Variants in F13B observed in about 807,000 individuals in gnomAD.
The protein encoded by F13B is coagulation factor XIII B chain.
F13B carries 58 observed loss-of-function variants against 79.8 expected under a neutral mutation model. The ratio of observed to expected loss-of-function variants is 0.73; its 90% confidence interval spans 0.59 to 0.90. F13B has a LOEUF of 0.90. F13B is among the 40% of genes least tolerant of loss of function. The pLI is 0.00. For synonymous variants in F13B, 283 were observed against 260.3 expected (o/e 1.09, Z -0.84); for missense variants, 773 against 777.0 (o/e 0.99, Z 0.06).
Position 197,052,699 on chromosome 1 carries a change from G to C in F13B, c.1490C>G (p.Pro497Arg), listed in dbSNP as rs1296287484. ...KQGYDLSPLT[P>R]LSELSVQCNR... ...GCACTGCACAGATAATTCAGACAAT[G>C]GGGTTAATGGAGATAAGTCATATCC... Residue 497 changes from proline to arginine, a missense_variant, in exon 9 of 12, where the codon CCA (proline) becomes CGA (arginine). Pro to Arg is a moderately radical substitution (Grantham distance 103). Coordinates refer to ENST00000367412, the MANE Select transcript of F13B (RefSeq NM_001994.3). 3 of 1,612,090 alleles carry C rather than the reference G, an allele frequency of 1.9e-6. No homozygotes were observed. Among genetic ancestry groups the C allele is most frequent in the Non-Finnish European group, 2.5e-6 (3 of 1,178,876 alleles).
chr1:197,062,365 T>C (rs1458251541), intron 2 of F13B, among the ~76,000 whole-genome samples: 2 of 152,166 alleles, frequency 1.3e-5, no homozygotes, highest in African/African-American at 2.4e-5. Flanking sequence ...GATTACCTTC[T>C]CACAACTTTG....
At position 197,055,775 on chromosome 1, in the gene F13B, T is replaced by C; in HGVS notation, c.1294A>G (p.Arg432Gly). 6.2e-7 allele frequency: 1 copy of C among 1,613,654 alleles called. No individual in the cohort carries two copies. Among genetic ancestry groups the C allele is most frequent in the Non-Finnish European group, 8.5e-7 (1 of 1,179,756 alleles). ...TCGCAACGAGATATTTTTGATCCCC[T>C]CAGTAAGTAATATTCATTGCATCTA... ...EYRCNEYYLL[R>G]GSKISRCEQG... Residue 432 changes from arginine (R) to glycine (G), a missense_variant, in exon 8 of 12, where the codon AGG becomes GGG. Arg to Gly is a moderately radical substitution (Grantham distance 125). Coordinates refer to ENST00000367412, the MANE Select transcript of F13B (RefSeq NM_001994.3).
intron 8 of F13B, among the ~76,000 whole-genome samples, chr1:197,054,252 C>T (rs1292571930): frequency 6.6e-6 from 1 of 152,072 alleles, no homozygotes; most frequent in East Asian, 1.9e-4. Flanking sequence ...TGTTTCATTA[C>T]CAGCTTTGCC....
At chr1:197,058,051 C>T (rs1655713815) in intron 5 of F13B, among the ~76,000 whole-genome samples, 1 of 152,180 alleles carries the variant, frequency 6.6e-6, no homozygotes, top group Non-Finnish European at 1.5e-5. Flanking sequence ...GACCCCCAAC[C>T]TACACCCAAT....
chr1:197,061,899 C>A lies in F13B; in HGVS notation c.336G>T (p.Glu112Asp). 1 of 1,612,976 alleles carries A rather than the reference C, an allele frequency of 6.2e-7. No individual in the cohort carries two copies. The highest frequency in any genetic ancestry group is 1.3e-5 in the African/African-American group (1 of 74,988). The change falls in exon 3 of 12, where the codon GAG (glutamate) becomes GAT (aspartate). Residue 112 changes from glutamate to aspartate, a missense_variant. Physicochemically the swap from Glu to Asp is conservative, Grantham distance 45 (BLOSUM62 2). Transcript: ENST00000367412. ...SDVKLLYKIQ[E>D]NMRYGCASGY... ...CTGAAGCGCAACCATAACGCATGTT[C>A]TCTTGAATTTTATACAATAACTTTA... is the stretch of plus-strand genomic sequence containing the variant.
At position 197,039,056 on chromosome 1, in the gene F13B, T is replaced by A. The variant is rs1019985035; in HGVS notation, c.*322A>T. 5 of 215,848 alleles carry A rather than the reference T, an allele frequency of 2.3e-5. No individual in the cohort carries two copies. The highest frequency in any genetic ancestry group is 2.8e-5 in the Non-Finnish European group (3 of 108,232). The allele number at this position is 215,848 out of a possible 1,614,324, so 13.4% of individuals were successfully genotyped here. ...GATGATGACGAATGTGAATGTGAAA[T>A]TTTTGCACATACAGTATATTGAAAA... On this transcript the variant is annotated 3_prime_UTR_variant, in exon 12 of 12. Transcript: ENST00000367412.
intron 2 of F13B, among the ~76,000 whole-genome samples, 200 bp downstream of exon 2, chr1:197,062,657 C>G (rs1050559538): frequency 1.3e-5 from 2 of 152,068 alleles, no homozygotes; most frequent in African/African-American, 4.8e-5. Flanking sequence ...AAAACAGATA[C>G]AGAAAATAAC....
chr1:197,041,198 A>T (rs1655024993), intron 10 of F13B, among the ~76,000 whole-genome samples: 1 of 152,138 alleles, frequency 6.6e-6, no homozygotes, highest in African/African-American at 2.4e-5. Flanking sequence ...GATTCTCAAC[A>T]CTGACCCAAG....
chr1:197,049,004 C>G (rs567936250), intron 10 of F13B, among the ~76,000 whole-genome samples: 6 of 151,752 alleles, frequency 4.0e-5, no homozygotes, highest in Non-Finnish European at 8.8e-5. Flanking sequence ...TAAAAAGAAA[C>G]TTCTAAATGA....
At chr1:197,057,514 T>A in intron 5 of F13B, 49 bp from the exon 6 acceptor site, 2 of 1,536,782 alleles carry the variant, frequency 1.3e-6, no homozygotes, top group South Asian at 1.2e-5. Context: ...TTACAAAAAA[T>A]AATAAAGATT....
intron 8 of F13B, 22 bp from the exon 9 acceptor site, chr1:197,052,856 T>C (rs1254019685): frequency 6.4e-7 from 1 of 1,571,208 alleles, no homozygotes; most frequent in Non-Finnish European, 8.7e-7. Flanking sequence ...AATGCTCTTT[T>C]AAATTCTTTA....
rs756207307 is a variant in F13B at position 197,060,939 on chromosome 1, T to G, written c.588A>C (p.Glu196Asp). Reference sequence around the variant, plus strand: ...TGAGAGACCATCCGTATGTGAGACATTCTACCTCCTCTGTCTTCTTTCCTC... The same window carrying G: ...TGAGAGACCATCCGTATGTGAGACAGTCTACCTCCTCTGTCTTCTTTCCTC... The part of the protein sequence containing the change: ...TAGGKKTEEV[E>D]CLTYGWSLTP... Residue 196 changes from glutamate (E) to aspartate (D), a missense_variant, in exon 4 of 12, where the codon GAA becomes GAC. Coordinates refer to ENST00000367412, the MANE Select transcript of F13B (RefSeq NM_001994.3). 1.2e-6 allele frequency: 2 copies of G among 1,613,208 alleles called. No individual in the cohort carries two copies. Among genetic ancestry groups the G allele is most frequent in the South Asian group, 1.1e-5 (1 of 91,068 alleles).
chr1:197,046,645 G>T (rs1479991009), intron 10 of F13B, among the ~76,000 whole-genome samples: 1 of 152,134 alleles, frequency 6.6e-6, no homozygotes, highest in Admixed American at 6.6e-5. Flanking sequence ...TTTCTTCACA[G>T]AATTGGACAA....
chr1:197,055,679 T>C (rs1052250886), intron 8 of F13B, 36 bp downstream of exon 8: 25 of 1,598,752 alleles, frequency 1.6e-5, no homozygotes, highest in Non-Finnish European at 2.1e-5. Flanking sequence ...CACATAAAAG[T>C]ACAAACGTAG....
intron 9 of F13B, 111 bp from the exon 10 acceptor site, chr1:197,050,990 G>A: frequency 1.1e-6 from 1 of 917,356 alleles, no homozygotes; most frequent in South Asian, 1.4e-5. Flanking sequence ...GGAGTATGGT[G>A]GCATGATCAT....
rs1654999404 is a variant in F13B, at chr1:197,040,553, A to C, written c.1921T>G (p.Leu641Val). The change falls in exon 11 of 12, where the codon TTA becomes GTA. Residue 641 changes from leucine (L) to valine (V), a missense_variant. By Grantham distance (32) the Leu-to-Val change is conservative (BLOSUM62 1). Coordinates refer to ENST00000367412, the MANE Select transcript of F13B (RefSeq NM_001994.3). The part of the protein sequence containing the change: ...ILRMQCDRGQ[L>V]KYPRCIPRQS... ...CTTGGAATACATCTTGGATATTTTA[A>C]CTGCCCTCTGTCACATTGCATTCTA... 3 of 1,612,764 alleles carry C rather than the reference A, an allele frequency of 1.9e-6. No homozygotes were observed. The South Asian group carries it at 3.3e-5, about 18-fold the overall frequency.
rs756177766 is a variant in F13B at position 197,052,837 on chromosome 1, G to A, written c.1355-3C>T. Reference sequence around the variant, plus strand: ...ATCCACATTAACAGTACATGGTTCTGTAAAACAAAATGCTCTTTTAAATTC... The same window carrying A: ...ATCCACATTAACAGTACATGGTTCTATAAAACAAAATGCTCTTTTAAATTC... On this transcript the variant is annotated splice_region_variant and splice_polypyrimidine_tract_variant and intron_variant, in intron 8 of 11. Transcript: ENST00000367412. The A allele has an allele frequency of 6.9e-6, 11 of 1,603,658 alleles. No individual in the cohort carries two copies. Among genetic ancestry groups the A allele is most frequent in the Non-Finnish European group, 5.1e-6 (6 of 1,174,022 alleles).
intron 8 of F13B, among the ~76,000 whole-genome samples, chr1:197,053,808 G>A (rs1231823388): frequency 6.6e-6 from 1 of 152,050 alleles, no homozygotes; most frequent in Non-Finnish European, 1.5e-5. Context: ...ACAAAAGCTT[G>A]AAGGAGACTG....
At chr1:197,058,153 A>C (rs941897851) in intron 5 of F13B, among the ~76,000 whole-genome samples, 11 of 152,206 alleles carry the variant, frequency 7.2e-5, no homozygotes, top group African/African-American at 2.7e-4. Flanking sequence ...GGCATTTTAC[A>C]TTCATTACCT....
Sources: allele counts gnomAD v4.1 joint callset (sites outside exome capture counted in the v4.1 genomes callset), GRCh38; gene constraint gnomAD v4.1.1; transcripts MANE v1.5; gene names NCBI Gene and HGNC (gene_info 2026-07-23, HGNC 2026-07-21).